GRM1: variants seen among roughly 807,000 people sequenced by gnomAD.
The protein encoded by GRM1 is glutamate metabotropic receptor 1.
In GRM1, 33 loss-of-function variants were observed where a neutral mutation model predicts 90.9. The ratio of observed to expected loss-of-function variants is 0.36; its 90% confidence interval spans 0.28 to 0.49. The LOEUF (loss-of-function observed/expected upper bound fraction) is 0.49. Ranked by LOEUF, GRM1 falls within the 20% of genes least tolerant of loss-of-function variation. The probability of loss-of-function intolerance (pLI) is 0.99; values close to 1 mark genes in which losing one functional copy is unlikely to be tolerated. For synonymous variants in GRM1, 700 were observed against 613.2 expected, an observed-to-expected ratio of 1.14 and a Z score of -2.09; for missense variants, 1,190 against 1,534.3, an observed-to-expected ratio of 0.78 and a Z score of 3.75.
intron 7 of GRM1, among the ~76,000 whole-genome samples, chr6:146,430,617 T>C (rs955634058): frequency 5.9e-5 from 9 of 152,252 alleles, no homozygotes; most frequent in Admixed American, 5.9e-4. Context: ...AAATGTCATA[T>C]TGCAGGATAA....
chr6:146,427,338 A>C (rs1362264844), intron 7 of GRM1, among the ~76,000 whole-genome samples: 2 of 152,236 alleles, frequency 1.3e-5, no homozygotes. Context: ...TAACAAAAGA[A>C]CATAGACCAT....
intron 6 of GRM1, among the ~76,000 whole-genome samples, chr6:146,394,831 A>G (rs993030267): frequency 1.3e-5 from 2 of 152,160 alleles, no homozygotes; most frequent in Admixed American, 1.3e-4. Flanking sequence ...ATAGAGAGGC[A>G]CAACCATATA....
At chr6:146,265,824 G>A (rs2114804699) in intron 2 of GRM1, among the ~76,000 whole-genome samples, 1 of 152,284 alleles carries the variant, frequency 6.6e-6, no homozygotes, top group African/African-American at 2.4e-5. Context: ...ATCATTGTAT[G>A]TGGCTTTACT....
chr6:146,069,904 G>A (rs1775969762), intron 1 of GRM1, among the ~76,000 whole-genome samples: 1 of 151,974 alleles, frequency 6.6e-6, no homozygotes, highest in African/African-American at 2.4e-5. Flanking sequence ...GGAAGAAATT[G>A]AGCATTAGAT....
At chr6:146,403,084 T>C (rs1455674764) in intron 7 of GRM1, among the ~76,000 whole-genome samples, 2 of 151,996 alleles carry the variant, frequency 1.3e-5, no homozygotes, top group African/African-American at 4.8e-5. Flanking sequence ...ATTGAAAAAA[T>C]CGATTTATTG....
At chr6:146,086,915 A>G (rs1776565126) in intron 1 of GRM1, among the ~76,000 whole-genome samples, 1 of 151,918 alleles carries the variant, frequency 6.6e-6, no homozygotes, top group African/African-American at 2.4e-5. Flanking sequence ...GCATAAAGAT[A>G]CTCCAGTAAT....
intron 5 of GRM1, chr6:146,365,580 T>G (rs1156970393): frequency 6.6e-6 from 1 of 152,214 alleles, no homozygotes; most frequent in Admixed American, 6.5e-5. Context: ...AGTAGACATT[T>G]ATTAAAGTAT....
At chr6:146,281,059 G>A (rs535148118) in intron 2 of GRM1, among the ~76,000 whole-genome samples, 2 of 152,104 alleles carry the variant, frequency 1.3e-5, no homozygotes, top group Non-Finnish European at 2.9e-5. Context: ...GTTAAGAACT[G>A]ACTCAAATTT....
At chr6:146,214,251 G>C (rs1779792927) in intron 2 of GRM1, among the ~76,000 whole-genome samples, 1 of 152,122 alleles carries the variant, frequency 6.6e-6, no homozygotes, top group Non-Finnish European at 1.5e-5. Flanking sequence ...AATACTCCAT[G>C]CTATATGCAA....
chr6:146,193,587 C>T (rs1352181075), intron 2 of GRM1, among the ~76,000 whole-genome samples: 1 of 152,132 alleles, frequency 6.6e-6, no homozygotes, highest in Non-Finnish European at 1.5e-5. Flanking sequence ...TGCACACAAG[C>T]ACCATTTTGG....
At chr6:146,205,507 C>T (rs772222230) in intron 2 of GRM1, among the ~76,000 whole-genome samples, 32 of 152,108 alleles carry the variant, frequency 2.1e-4, no homozygotes, top group Non-Finnish European at 8.8e-5. Flanking sequence ...ACATGGTGAA[C>T]ATTTCAGGAT....
At chr6:146,384,739 T>C (rs904771455) in intron 5 of GRM1, among the ~76,000 whole-genome samples, 24 of 151,630 alleles carry the variant, frequency 1.6e-4, no homozygotes, top group African/African-American at 5.6e-4. Context: ...AACACAAGGA[T>C]AAATACGTGC....
intron 7 of GRM1, among the ~76,000 whole-genome samples, chr6:146,428,918 C>T (rs2300631): frequency 0.5 from 76,559 of 151,914 alleles, 19,354 homozygotes; most frequent in South Asian, 0.6. Context: ...TTTATGGTGC[C>T]TTCTATACTT....
chr6:146,400,371 C>A (rs1777112027), intron 7 of GRM1, among the ~76,000 whole-genome samples: 1 of 151,628 alleles, frequency 6.6e-6, no homozygotes, highest in African/African-American at 2.4e-5. Context: ...AAGTCATGAT[C>A]AGAATAGTTT....
chr6:146,145,337 A>T (rs1777053903), intron 1 of GRM1, among the ~76,000 whole-genome samples: 1 of 152,168 alleles, frequency 6.6e-6, no homozygotes, highest in Non-Finnish European at 1.5e-5. Flanking sequence ...GGTATTTCAG[A>T]TATCTTTTAG....
intron 1 of GRM1, among the ~76,000 whole-genome samples, chr6:146,052,672 C>A (rs1048805557): frequency 2.6e-5 from 4 of 151,982 alleles, no homozygotes; most frequent in African/African-American, 9.7e-5. Context: ...AATCCACTTT[C>A]TTCAGCTATT....
intron 3 of GRM1, among the ~76,000 whole-genome samples, chr6:146,335,283 A>T (rs1333070432): frequency 6.6e-6 from 1 of 152,128 alleles, no homozygotes; most frequent in Non-Finnish European, 1.5e-5. Flanking sequence ...TCTTTCTTCC[A>T]GCTGGTTCAA....
intron 2 of GRM1, among the ~76,000 whole-genome samples, chr6:146,168,722 G>A (rs2128893820): frequency 6.6e-6 from 1 of 152,072 alleles, no homozygotes; most frequent in East Asian, 1.9e-4. Flanking sequence ...GCCTAGTATA[G>A]AATTCTAGGT....
At chr6:146,394,056 G>A (rs1374990076) in intron 6 of GRM1, among the ~76,000 whole-genome samples, 2 of 152,130 alleles carry the variant, frequency 1.3e-5, no homozygotes, top group African/African-American at 4.8e-5. Context: ...AAACTGGCTA[G>A]CCATATGCAG....
Sources: gnomAD v4.1 joint callset for allele counts (sites outside exome capture counted in the v4.1 genomes callset) on GRCh38, gnomAD v4.1.1 for gene constraint, MANE v1.5 for transcripts, NCBI Gene and HGNC (gene_info 2026-07-23, HGNC 2026-07-21) for gene names.